PLPP3: variants seen among roughly 807,000 people sequenced by gnomAD.
PLPP3 encodes the protein PAP2 beta.
Under a neutral mutation model 29.6 loss-of-function variants are expected in PLPP3, and 6 were observed. The ratio of observed to expected loss-of-function variants is 0.20; its 90% CI spans 0.11 to 0.40. PLPP3 has a LOEUF of 0.40. PLPP3 is among the 10% of genes least tolerant of loss of function. PLPP3 has a pLI of 1.00. For synonymous variants in PLPP3, 152 were observed against 159.7 expected (o/e 0.95, Z 0.36); for missense variants, 308 against 407.7 (o/e 0.76, Z 2.11).
At position 56,524,583 on chromosome 1, in the gene PLPP3, C is replaced by T. The variant is rs1251799888; in HGVS notation, c.298-29G>A. On this transcript the variant is annotated intron_variant, in intron 2 of 5. Coordinates refer to ENST00000371250, the MANE Select transcript of PLPP3 (RefSeq NM_003713.5). This position sits in a 1 kb window ranked among gnomAD's most constrained non-coding sequence, Gnocchi z 4.3. ...AAAGGAATCCAACAGGGGAATTAGG[C>T]AGTATCAAGATTCATCATCAACACT... 2.5e-6 allele frequency: 4 copies of T among 1,593,850 alleles called. No homozygotes were observed. The Admixed American group carries it at 6.7e-5, about 27-fold the overall frequency.
intron 5 of PLPP3, among the ~76,000 whole-genome samples, chr1:56,503,532 T>G (rs936340805): frequency 6.6e-6 from 1 of 152,016 alleles, no homozygotes; most frequent in Non-Finnish European, 1.5e-5. Context: ...CTACTAAAAA[T>G]ACAAAAATTA....
chr1:56,563,676 T>G (rs1319597401), intron 1 of PLPP3, among the ~76,000 whole-genome samples: 2 of 152,210 alleles, frequency 1.3e-5, no homozygotes, highest in African/African-American at 4.8e-5. Context: ...TGCTACTGAT[T>G]AGCTGAATTA....
chr1:56,554,900 A>T lies in PLPP3; in HGVS notation c.140-17788T>A, dbSNP rs545801201. 3.3e-5 allele frequency among the ~76,000 whole-genome samples: 5 copies of T among 152,320 alleles called. No homozygotes were observed. The East Asian group carries it at 9.7e-4, about 29-fold the overall frequency. On this transcript the variant is annotated intron_variant, in intron 1 of 5. Coordinates refer to ENST00000371250, the MANE Select transcript of PLPP3 (RefSeq NM_003713.5). ...CAAGTTCACTTCACACTCATAGTCAATCCCTATCTCTGTTTCACAGTATTT... is the reference window on the plus strand; with the variant it reads ...CAAGTTCACTTCACACTCATAGTCATTCCCTATCTCTGTTTCACAGTATTT...
chr1:56,543,693 T>C (rs1645984482), intron 1 of PLPP3, among the ~76,000 whole-genome samples: 1 of 152,234 alleles, frequency 6.6e-6, no homozygotes, highest in Non-Finnish European at 1.5e-5. Context: ...AAGTTTACTA[T>C]GAAGGCATTT....
intron 4 of PLPP3, among the ~76,000 whole-genome samples, chr1:56,514,049 A>T (rs968465371): frequency 2.0e-5 from 3 of 152,118 alleles, no homozygotes; most frequent in Admixed American, 1.3e-4. Flanking sequence ...TAAATAAATA[A>T]ATAAATACGT....
At chr1:56,499,414 C>CTA (rs771601774) in intron 5 of PLPP3, among the ~76,000 whole-genome samples, 1 of 152,152 alleles carries the variant, frequency 6.6e-6, no homozygotes, top group Non-Finnish European at 1.5e-5. Flanking sequence ...AGATGGAATC[C>CTA]TATCCCTAAT....
rs142062761 is a variant in PLPP3 at position 56,503,351 on chromosome 1, T to C, written c.811-6675A>G. On this transcript the variant is annotated intron_variant, in intron 5 of 5. Transcript: ENST00000371250. ...ATACAAGATTAAAAGGTTTTATAGT[T>C]GCAGATGATGGGTCTGCCCTGTATT... Among the ~76,000 whole-genome samples the C allele has an allele frequency of 6.2e-3, 943 of 152,300 alleles. 7 individuals are homozygous for C. The highest frequency in any genetic ancestry group is 0.022 in the African/African-American group (903 of 41,554).
At chr1:56,575,111 A>G (rs563158048) in intron 1 of PLPP3, among the ~76,000 whole-genome samples, 2,649 of 152,304 alleles carry the variant, frequency 0.017, 71 homozygotes, top group East Asian at 0.1. Context: ...TCAAGTCTCT[A>G]ACGTCAAGCC....
intron 2 of PLPP3, among the ~76,000 whole-genome samples, chr1:56,531,135 G>A (rs114097308): frequency 9.1e-4 from 139 of 152,308 alleles, no homozygotes; most frequent in Middle Eastern, 3.4e-3. Context: ...GAATAATGAT[G>A]ATGATGAAGC....
At chr1:56,552,438 T>C (rs1330327910) in intron 1 of PLPP3, among the ~76,000 whole-genome samples, 5 of 152,310 alleles carry the variant, frequency 3.3e-5, no homozygotes, top group South Asian at 4.1e-4. Context: ...AAAATTGATA[T>C]ATAATTTACA....
At chr1:56,549,724 C>T (rs1276302807) in intron 1 of PLPP3, among the ~76,000 whole-genome samples, 3 of 152,178 alleles carry the variant, frequency 2.0e-5, no homozygotes. Context: ...GTAGAGACCT[C>T]TGGACTTCAA....
At chr1:56,514,568 A>T (rs565885208) in intron 4 of PLPP3, among the ~76,000 whole-genome samples, 1 of 152,316 alleles carries the variant, frequency 6.6e-6, no homozygotes, top group East Asian at 1.9e-4. Flanking sequence ...GGGTTTCTTC[A>T]AAAAAGATAG....
chr1:56,573,554 T>A (rs946563344), intron 1 of PLPP3, among the ~76,000 whole-genome samples: 5 of 152,204 alleles, frequency 3.3e-5, no homozygotes, highest in African/African-American at 1.2e-4. Flanking sequence ...GCAGCGTTTA[T>A]AAAACACAGA....
At chr1:56,512,934 C>T (rs191806899) in intron 4 of PLPP3, 1 of 152,196 alleles carries the variant, frequency 6.6e-6, no homozygotes, top group African/African-American at 2.4e-5. Flanking sequence ...TATATAATCC[C>T]TACACTACCT....
At chr1:56,532,680 A>G (rs1006092333) in intron 2 of PLPP3, among the ~76,000 whole-genome samples, 1 of 152,132 alleles carries the variant, frequency 6.6e-6, no homozygotes, top group Non-Finnish European at 1.5e-5. Context: ...TGCTCTGTGA[A>G]TCCTCTGATA....
chr1:56,561,635 A>G (rs1382123812), intron 1 of PLPP3, among the ~76,000 whole-genome samples: 1 of 152,012 alleles, frequency 6.6e-6, no homozygotes, highest in African/African-American at 2.4e-5. Flanking sequence ...CTTTTTTTCA[A>G]TGAAAATTTT....
At chr1:56,514,474 G>A (rs768927667) in intron 4 of PLPP3, among the ~76,000 whole-genome samples, 3 of 152,178 alleles carry the variant, frequency 2.0e-5, no homozygotes, top group Non-Finnish European at 2.9e-5. Flanking sequence ...CCTAGTTCAC[G>A]AAGGGCTTTC....
At chr1:56,519,882 GA>G (rs1645807581) in intron 4 of PLPP3, among the ~76,000 whole-genome samples, 1 of 151,904 alleles carries the variant, frequency 6.6e-6, no homozygotes, top group Admixed American at 6.6e-5. Flanking sequence ...TTTATTCATT[GA>G]CCTAACATGA....
At chr1:56,522,744 T>C (rs80256295) in intron 4 of PLPP3, among the ~76,000 whole-genome samples, 14,604 of 152,302 alleles carry the variant, frequency 0.096, 882 homozygotes, top group South Asian at 0.17. Flanking sequence ...TTTCAATAAG[T>C]TGAAATCAAA....
Sources: allele counts gnomAD v4.1 joint callset (sites outside exome capture counted in the v4.1 genomes callset), GRCh38; gene constraint gnomAD v4.1.1; non-coding constraint Gnocchi (gnomAD v3.1); transcripts MANE v1.5; gene names NCBI Gene and HGNC (gene_info 2026-07-23, HGNC 2026-07-21).